CDH18: variants seen among roughly 807,000 people sequenced by gnomAD.
The protein encoded by CDH18 is cadherin-18.
Under a neutral mutation model 67.9 loss-of-function variants are expected in CDH18, and 31 were observed. The observed-to-expected ratio is 0.46, with a 90% confidence interval of 0.34 to 0.62. CDH18 has a LOEUF of 0.62. CDH18 is among the 20% of genes least tolerant of loss of function. The pLI is 0.01. For missense variants in CDH18, 890 were observed against 975.5 expected (o/e 0.91, Z 1.17); for synonymous variants, 362 against 347.2 (o/e 1.04, Z -0.48).
At chr5:19,702,252 G>A (rs554566172) in intron 5 of CDH18, among the ~76,000 whole-genome samples, 12 of 148,566 alleles carry the variant, frequency 8.1e-5, no homozygotes, top group African/African-American at 2.2e-4. Flanking sequence ...GGGTTCAAGC[G>A]ATTCTCCTGC....
intron 1 of CDH18, among the ~76,000 whole-genome samples, chr5:20,529,490 A>G (rs986062979): frequency 2.6e-5 from 4 of 152,086 alleles, no homozygotes; most frequent in Non-Finnish European, 5.9e-5. Flanking sequence ...AGAATCCCCA[A>G]TAAAATACTG....
At chr5:20,080,104 T>TC (rs1744320699) in intron 2 of CDH18, among the ~76,000 whole-genome samples, 2 of 152,176 alleles carry the variant, frequency 1.3e-5, no homozygotes, top group Admixed American at 6.6e-5. Context: ...ATATACTAAA[T>TC]ATATATGCAC....
rs1212410284 is a variant in CDH18, at chr5:20,501,583, A to T, written c.-580+73879T>A. On this transcript the variant is annotated intron_variant, in intron 1 of 14. Coordinates refer to the CDH18 transcript ENST00000507958. ...TATATATATATAATATATATATATT[A>T]TATATATATATTATATATATATATA... 1.5e-3 allele frequency among the ~76,000 whole-genome samples: 32 copies of T among 21,770 alleles called. 1 individual carries two copies. The highest frequency in any genetic ancestry group is 0.024 in the Middle Eastern group (1 of 42). 14.3% of individuals were successfully genotyped at this position (21,770 alleles called of 152,430 possible). A position where few individuals can be genotyped will look rare whatever the true frequency, so the allele number is the denominator to read the frequency against.
At chr5:20,472,610 A>G (rs540531505) in intron 1 of CDH18, among the ~76,000 whole-genome samples, 2 of 152,348 alleles carry the variant, frequency 1.3e-5, no homozygotes, top group Admixed American at 6.5e-5. Context: ...CATGAATTCA[A>G]CTTGCCAATG....
At chr5:19,991,635 A>C (rs927371587), upstream of CDH18, among the ~76,000 whole-genome samples, 1 of 152,188 alleles carries the variant, frequency 6.6e-6, no homozygotes, top group Non-Finnish European at 1.5e-5. Context: ...TTGATAAAAA[A>C]GTGATCTCTA....
chr5:20,415,831 C>A (rs1043789356), intron 1 of CDH18, among the ~76,000 whole-genome samples: 3 of 151,770 alleles, frequency 2.0e-5, no homozygotes, highest in Admixed American at 2.0e-4. Context: ...AATCTTACAA[C>A]CTGCAACAAT....
At chr5:19,526,488 A>G (rs1747769417) in intron 9 of CDH18, among the ~76,000 whole-genome samples, 1 of 152,138 alleles carries the variant, frequency 6.6e-6, no homozygotes, top group South Asian at 2.1e-4. Context: ...AAAGACTGAT[A>G]TGTGCGTAAC....
intron 3 of CDH18, among the ~76,000 whole-genome samples, chr5:19,819,496 A>G (rs1779631579): frequency 6.6e-6 from 1 of 152,194 alleles, no homozygotes; most frequent in African/African-American, 2.4e-5. Flanking sequence ...TAGGAAGCCT[A>G]TATGGAGTCT....
chr5:19,616,895 T>C (rs1366413779), intron 5 of CDH18, among the ~76,000 whole-genome samples: 2 of 152,156 alleles, frequency 1.3e-5, no homozygotes, highest in Non-Finnish European at 2.9e-5. Flanking sequence ...GCTTTCTTCT[T>C]TGCAAGCACT....
In CDH18 at chr5:19,747,150, A is replaced by G. The variant is rs374030596; in HGVS notation, c.315T>C (p.Asp105=). The G allele has an allele frequency of 3.1e-6, 5 of 1,613,972 alleles. No homozygotes were observed. The highest frequency in any genetic ancestry group is 4.2e-6 in the Non-Finnish European group (5 of 1,179,824). The change falls in exon 4 of 13, where the codon GAT becomes GAC. Residue 105 remains aspartate, a synonymous_variant. Transcript: ENST00000382275. ...EGAGTIFIID[D]TTGDIHSTKS... ...TTGTTGAGTGGATATCACCCGTGGTATCGTCAATGATAAATATAGTCCCAG... is the reference window on the plus strand; with the variant it reads ...TTGTTGAGTGGATATCACCCGTGGTGTCGTCAATGATAAATATAGTCCCAG...
At chr5:20,376,187 G>A (rs1259352888) in intron 1 of CDH18, among the ~76,000 whole-genome samples, 4 of 142,756 alleles carry the variant, frequency 2.8e-5, no homozygotes, top group South Asian at 2.2e-4. Flanking sequence ...TCCGCCTCCC[G>A]GGTTCACGCC....
chr5:19,720,868 C>A (rs1344466749), intron 5 of CDH18, among the ~76,000 whole-genome samples: 4 of 151,864 alleles, frequency 2.6e-5, no homozygotes, highest in Non-Finnish European at 5.9e-5. Flanking sequence ...AATAGAAATC[C>A]CCCAGTACAA....
intron 2 of CDH18, among the ~76,000 whole-genome samples, chr5:20,231,507 G>A (rs539430424): frequency 1.3e-5 from 2 of 151,936 alleles, no homozygotes; most frequent in African/African-American, 4.8e-5. Context: ...GCTGAGACAG[G>A]AGAATCTCTT....
intron 5 of CDH18, among the ~76,000 whole-genome samples, chr5:19,709,109 C>T (rs1394585810): frequency 6.6e-6 from 1 of 152,144 alleles, no homozygotes; most frequent in Non-Finnish European, 1.5e-5. Context: ...ATGGCAGTGG[C>T]TCTGATACCT....
At chr5:20,540,261 G>T (rs190725684) in intron 1 of CDH18, among the ~76,000 whole-genome samples, 1 of 151,950 alleles carries the variant, frequency 6.6e-6, no homozygotes, top group Non-Finnish European at 1.5e-5. Context: ...TAGTAATATC[G>T]AACAGACTTA....
chr5:20,272,856 T>C lies in CDH18; in HGVS notation c.-579-17351A>G, dbSNP rs547945298. Among the ~76,000 whole-genome samples the C allele has an allele frequency of 4.6e-5, 7 of 152,148 alleles. No individual in the cohort carries two copies. In the South Asian group the frequency reaches 1.5e-3, roughly 32 times the overall value. ...CTAGGAAATCATGAATGACCACTAT[T>C]ATTCTCCATCAAAGGGTAAACACTT... On this transcript the variant is annotated intron_variant, in intron 1 of 14. Transcript: ENST00000507958.
intron 12 of CDH18, among the ~76,000 whole-genome samples, chr5:19,475,633 G>C (rs1738325743): frequency 6.6e-6 from 1 of 151,854 alleles, no homozygotes; most frequent in Non-Finnish European, 1.5e-5. Flanking sequence ...ATTGTGCTAA[G>C]CATACATGCA....
At chr5:19,635,321 A>T (rs1752983819) in intron 5 of CDH18, among the ~76,000 whole-genome samples, 1 of 152,192 alleles carries the variant, frequency 6.6e-6, no homozygotes, top group African/African-American at 2.4e-5. Context: ...GATACATCAG[A>T]TATGCTTACT....
At chr5:19,532,539 A>G (rs1333349376) in intron 9 of CDH18, among the ~76,000 whole-genome samples, 1 of 152,084 alleles carries the variant, frequency 6.6e-6, no homozygotes, top group Non-Finnish European at 1.5e-5. Flanking sequence ...TGAGTGTCAT[A>G]TTTTCATTTA....
Sources: allele counts gnomAD v4.1 joint callset (sites outside exome capture counted in the v4.1 genomes callset), GRCh38; gene constraint gnomAD v4.1.1; transcripts MANE v1.5; gene names NCBI Gene and HGNC (gene_info 2026-07-23, HGNC 2026-07-21).